Variants in ERBB4 observed in about 807,000 individuals in gnomAD.
The protein encoded by ERBB4 is receptor tyrosine-protein kinase erbB-4.
In ERBB4, 42 loss-of-function variants were observed where a neutral mutation model predicts 158.0. The observed-to-expected ratio is 0.27, with a 90% CI of 0.21 to 0.34. The LOEUF is 0.34. ERBB4 is among the 10% of genes least tolerant of loss of function. The probability of loss-of-function intolerance (pLI) is 1.00; values close to 1 mark genes in which losing one functional copy is unlikely to be tolerated. For missense variants in ERBB4, 1,333 were observed against 1,624.1 expected (o/e 0.82, Z 3.08); for synonymous variants, 583 against 558.7 (o/e 1.04, Z -0.61).
At chr2:212,388,272 G>T (rs2090744256) in intron 1 of ERBB4, among the ~76,000 whole-genome samples, 1 of 152,122 alleles carries the variant, frequency 6.6e-6, no homozygotes, top group Non-Finnish European at 1.5e-5. Flanking sequence ...ATAGGTTGCT[G>T]CATGATTTGA....
At chr2:211,861,327 G>GTT (rs1331572867) in intron 3 of ERBB4, among the ~76,000 whole-genome samples, 1 of 102,150 alleles carries the variant, frequency 9.8e-6, no homozygotes, top group Non-Finnish European at 1.9e-5. Flanking sequence ...GTCCAGGCGT[G>GTT]TTTTTTTTTT....
intron 3 of ERBB4, among the ~76,000 whole-genome samples, chr2:211,862,458 T>C (rs562708085): frequency 5.2e-4 from 79 of 152,188 alleles, no homozygotes; most frequent in African/African-American, 1.8e-3. Flanking sequence ...TTTCCAGAGA[T>C]TCCTGTTCAA....
chr2:212,288,535 C>T (rs1336674725), intron 1 of ERBB4, among the ~76,000 whole-genome samples: 2 of 152,074 alleles, frequency 1.3e-5, no homozygotes, highest in Admixed American at 6.6e-5. Context: ...GGGGAGGAGC[C>T]TGGCCTCTCC....
intron 2 of ERBB4, among the ~76,000 whole-genome samples, chr2:212,081,426 T>C (rs2078439490): frequency 6.6e-6 from 1 of 152,140 alleles, no homozygotes; most frequent in Non-Finnish European, 1.5e-5. Context: ...AAATTGCCTT[T>C]CCTGGATGAC....
intron 1 of ERBB4, among the ~76,000 whole-genome samples, chr2:212,415,207 C>A (rs997378109): frequency 6.6e-6 from 1 of 152,052 alleles, no homozygotes; most frequent in Non-Finnish European, 1.5e-5. Flanking sequence ...TACTTTGGGT[C>A]TGTAATTTGA....
chr2:212,458,134 CTTTGCCA>C (rs560674350), intron 1 of ERBB4, among the ~76,000 whole-genome samples: 226 of 152,132 alleles, frequency 1.5e-3, no homozygotes, highest in Non-Finnish European at 2.7e-3. Flanking sequence ...GTGTCATATA[CTTTGCCA>C]TTTGCTGAGC....
At chr2:211,704,571 T>G (rs191244433) in intron 10 of ERBB4, among the ~76,000 whole-genome samples, 5 of 152,342 alleles carry the variant, frequency 3.3e-5, no homozygotes, top group Admixed American at 2.0e-4. Context: ...CTAGCCTTTC[T>G]CATTAGATTT....
intron 1 of ERBB4, among the ~76,000 whole-genome samples, chr2:212,231,184 C>A (rs2083653274): frequency 6.6e-6 from 1 of 151,762 alleles, no homozygotes; most frequent in Admixed American, 6.6e-5. Flanking sequence ...TCAGAGATAA[C>A]TAGATATTTC....
intron 1 of ERBB4, among the ~76,000 whole-genome samples, chr2:212,433,952 A>G (rs1472126767): frequency 6.6e-6 from 1 of 151,948 alleles, no homozygotes; most frequent in East Asian, 1.9e-4. Context: ...TTTAAGTTTG[A>G]GAATTATTTT....
chr2:211,443,027 A>C (rs975012008), intron 20 of ERBB4, among the ~76,000 whole-genome samples: 3 of 151,982 alleles, frequency 2.0e-5, no homozygotes, highest in East Asian at 3.9e-4. Flanking sequence ...GACAGTCAAT[A>C]AATAATAGTC....
chr2:212,335,640 T>C (rs184192599), intron 1 of ERBB4, among the ~76,000 whole-genome samples: 1 of 152,152 alleles, frequency 6.6e-6, no homozygotes, highest in Admixed American at 6.6e-5. Context: ...TAACATTTCG[T>C]AGGAGACAAA....
rs556742716 is a variant in ERBB4, at chr2:212,514,588, C to T, written c.82+23861G>A. Among the ~76,000 whole-genome samples, 17 of 152,120 alleles carry T rather than the reference C, an allele frequency of 1.1e-4. 1 individual carries two copies. The East Asian group carries it at 2.9e-3, about 26-fold the overall frequency. The stretch of plus-strand genomic sequence containing the variant: ...TTGGGAGGCTGAGGCGGGCGGATCA[C>T]GAGGTCAAGAGATCAAGACCATCCT... On this transcript the variant is annotated intron_variant, in intron 1 of 27. Transcript: ENST00000342788.
chr2:211,603,990 G>A (rs1008846136), intron 19 of ERBB4, among the ~76,000 whole-genome samples: 18 of 152,138 alleles, frequency 1.2e-4, no homozygotes, highest in African/African-American at 4.1e-4. Context: ...AACTATTACA[G>A]GATACCACAT....
intron 20 of ERBB4, among the ~76,000 whole-genome samples, chr2:211,494,255 G>A (rs1465024646): frequency 6.6e-6 from 1 of 152,084 alleles, no homozygotes; most frequent in East Asian, 1.9e-4. Context: ...CGCCTGCCTC[G>A]GCCTCCGAAA....
intron 1 of ERBB4, among the ~76,000 whole-genome samples, chr2:212,145,727 TAAAAA>T (rs5838300): frequency 3.4e-5 from 3 of 88,834 alleles, no homozygotes; most frequent in Admixed American, 1.3e-4. Flanking sequence ...CAGCATGCAG[TAAAAA>T]AAAAAAAAAA....
At chr2:212,390,478 C>G (rs953266541) in intron 1 of ERBB4, among the ~76,000 whole-genome samples, 3 of 151,704 alleles carry the variant, frequency 2.0e-5, no homozygotes, top group Admixed American at 6.6e-5. Flanking sequence ...GCTAACAATT[C>G]TGCCAAAACA....
At chr2:212,359,657 A>G (rs2089608900) in intron 1 of ERBB4, among the ~76,000 whole-genome samples, 1 of 151,666 alleles carries the variant, frequency 6.6e-6, no homozygotes, top group Non-Finnish European at 1.5e-5. Context: ...TGTCTGGGAA[A>G]CCTCAGGGGC....
At chr2:211,496,391 T>C (rs1479688410) in intron 20 of ERBB4, among the ~76,000 whole-genome samples, 1 of 152,016 alleles carries the variant, frequency 6.6e-6, no homozygotes. Flanking sequence ...CTCCTAATAA[T>C]CTCTGCCAAA....
At chr2:212,208,174 A>G (rs1261451979) in intron 1 of ERBB4, among the ~76,000 whole-genome samples, 1 of 152,180 alleles carries the variant, frequency 6.6e-6, no homozygotes, top group Non-Finnish European at 1.5e-5. Context: ...ATTGAGGATT[A>G]GTCGCTTGTT....
Sources: allele counts gnomAD v4.1 joint callset (sites outside exome capture counted in the v4.1 genomes callset), GRCh38; gene constraint gnomAD v4.1.1; transcripts MANE v1.5; gene names NCBI Gene and HGNC (gene_info 2026-07-23, HGNC 2026-07-21).